Variants in KCNT2 observed in about 807,000 individuals in gnomAD.
The protein encoded by KCNT2 is potassium sodium-activated channel subfamily T member 2.
In KCNT2, 67 loss-of-function variants were observed where a neutral mutation model predicts 153.8. The ratio of observed to expected loss-of-function variants is 0.44; its 90% confidence interval spans 0.36 to 0.53. The LOEUF (loss-of-function observed/expected upper bound fraction) is 0.53, where lower values mean the gene tolerates loss of function less well. KCNT2 is among the 20% of genes least tolerant of loss of function. KCNT2 has a pLI of 0.00. For synonymous variants in KCNT2, 500 were observed against 458.8 expected (o/e 1.09, Z -1.15); for missense variants, 975 against 1,354.8 (o/e 0.72, Z 4.40).
At chr1:196,365,364 G>T (rs1667952863) in intron 14 of KCNT2, among the ~76,000 whole-genome samples, 1 of 151,974 alleles carries the variant, frequency 6.6e-6, no homozygotes, top group South Asian at 2.1e-4. Flanking sequence ...AGACAAAAGA[G>T]TTTTATACTT....
intron 1 of KCNT2, among the ~76,000 whole-genome samples, chr1:196,552,357 A>G (rs1018264675): frequency 6.6e-6 from 1 of 151,370 alleles, no homozygotes; most frequent in Non-Finnish European, 1.5e-5. Flanking sequence ...AGGAGTCTTT[A>G]TAATAGTGCA....
In KCNT2 at chr1:196,468,691, A is replaced by C. The variant is rs191993132; in HGVS notation, c.459+303T>G. On this transcript the variant is annotated intron_variant, in intron 6 of 27. Coordinates refer to ENST00000294725, the MANE Select transcript of KCNT2 (RefSeq NM_198503.5). ...TATTTTTTTAAAAAAAATCCACAATATAAACAATAAGTGGATAAGTAATTT... is the reference window on the plus strand; with the variant it reads ...TATTTTTTTAAAAAAAATCCACAATCTAAACAATAAGTGGATAAGTAATTT... Among the ~76,000 whole-genome samples the C allele has an allele frequency of 3.5e-4, 53 of 152,254 alleles. No homozygotes were observed. In the East Asian group the frequency reaches 9.7e-3, roughly 28 times the overall value.
intron 8 of KCNT2, among the ~76,000 whole-genome samples, chr1:196,433,197 G>A (rs895406651): frequency 1.3e-5 from 2 of 152,002 alleles, no homozygotes; most frequent in African/African-American, 2.4e-5. Flanking sequence ...ACAGCCTTCA[G>A]GATTGTGAAA....
intron 12 of KCNT2, among the ~76,000 whole-genome samples, chr1:196,417,617 GA>G (rs1464350790): frequency 6.6e-6 from 1 of 152,004 alleles, no homozygotes; most frequent in Non-Finnish European, 1.5e-5. Flanking sequence ...TGGAACAAAA[GA>G]GTATAACTTT....
chr1:196,352,189 G>A (rs1232511096), intron 14 of KCNT2, among the ~76,000 whole-genome samples: 46 of 151,894 alleles, frequency 3.0e-4, no homozygotes, highest in African/African-American at 5.8e-4. Context: ...GTCTCTGCCC[G>A]GCTTTGGTAT....
chr1:196,490,491 ATATATAT>A (rs1201295946), intron 2 of KCNT2, among the ~76,000 whole-genome samples: 16 of 147,958 alleles, frequency 1.1e-4, no homozygotes, highest in Non-Finnish European at 1.8e-4. Flanking sequence ...TTATATAATA[ATATATAT>A]TATATAAGTA....
At chr1:196,595,990 C>T (rs1251112109) in intron 1 of KCNT2, among the ~76,000 whole-genome samples, 1 of 150,452 alleles carries the variant, frequency 6.6e-6, no homozygotes, top group African/African-American at 2.5e-5. Context: ...GCCTCCAGCT[C>T]CATCCAAGTT....
chr1:196,433,294 G>T (rs1674323042), intron 8 of KCNT2, among the ~76,000 whole-genome samples: 1 of 151,862 alleles, frequency 6.6e-6, no homozygotes, highest in South Asian at 2.1e-4. Context: ...ATACTACTCA[G>T]TAAATAAATA....
intron 3 of KCNT2, among the ~76,000 whole-genome samples, chr1:196,485,498 G>A (rs1416962): frequency 0.47 from 71,803 of 151,666 alleles, 19,472 homozygotes; most frequent in Middle Eastern, 0.73. Context: ...ATCTGCTTAC[G>A]TCAAACTAAT....
intron 8 of KCNT2, among the ~76,000 whole-genome samples, chr1:196,454,278 T>C (rs920653079): frequency 2.0e-5 from 3 of 151,952 alleles, no homozygotes; most frequent in Admixed American, 6.6e-5. Context: ...GACATAGATA[T>C]AGTGCATGAT....
chr1:196,401,268 G>A (rs1337282898), intron 12 of KCNT2, among the ~76,000 whole-genome samples: 1 of 151,636 alleles, frequency 6.6e-6, no homozygotes, highest in Admixed American at 6.6e-5. Flanking sequence ...CCAAGCCTCC[G>A]CAACATAACA....
At chr1:196,336,783 A>T (rs1180777356) in intron 16 of KCNT2, among the ~76,000 whole-genome samples, 1 of 152,160 alleles carries the variant, frequency 6.6e-6, no homozygotes, top group Non-Finnish European at 1.5e-5. Context: ...TTCAGCCATG[A>T]CCTATCAGAC....
intron 1 of KCNT2, among the ~76,000 whole-genome samples, chr1:196,591,125 G>A (rs547585093): frequency 6.6e-6 from 1 of 152,166 alleles, no homozygotes; most frequent in South Asian, 2.1e-4. Flanking sequence ...GGTCATGAGG[G>A]CGGATCCTTC....
intron 8 of KCNT2, among the ~76,000 whole-genome samples, chr1:196,457,345 A>G (rs1246051634): frequency 6.6e-6 from 1 of 151,716 alleles, no homozygotes; most frequent in Non-Finnish European, 1.5e-5. Context: ...ATTCTATACA[A>G]TATTATTATC....
At position 196,283,944 on chromosome 1, in the gene KCNT2, C is replaced by A. The variant is rs1289312357; in HGVS notation, c.2698-1588G>T. 1.3e-5 allele frequency among the ~76,000 whole-genome samples: 2 copies of A among 151,442 alleles called. 1 individual carries two copies. The highest frequency in any genetic ancestry group is 2.9e-5 in the Non-Finnish European group (2 of 67,868). ...ATGTTTACTGTGTCAAAATTTAAGA[C>A]TTTAGGCTGAGCACAGTGGCTCACA... On this transcript the variant is annotated intron_variant, in intron 23 of 27. Coordinates refer to ENST00000294725, the MANE Select transcript of KCNT2 (RefSeq NM_198503.5).
chr1:196,332,507 G>T (rs538705933), intron 17 of KCNT2, among the ~76,000 whole-genome samples: 7 of 152,100 alleles, frequency 4.6e-5, no homozygotes, highest in East Asian at 1.9e-4. Context: ...TTTAAACAAA[G>T]AATATTTTCA....
chr1:196,242,214 AG>A (rs1655023687), intron 26 of KCNT2, among the ~76,000 whole-genome samples: 1 of 152,164 alleles, frequency 6.6e-6, no homozygotes, highest in Non-Finnish European at 1.5e-5. Flanking sequence ...TAAGGAACAT[AG>A]TGTACATTTA....
At chr1:196,465,747 T>G (rs1330738166) in intron 7 of KCNT2, among the ~76,000 whole-genome samples, 1 of 151,904 alleles carries the variant, frequency 6.6e-6, no homozygotes, top group Non-Finnish European at 1.5e-5. Context: ...GAAAATAGTA[T>G]GTTTAATTAA....
chr1:196,249,589 A>G (rs1214557704), intron 26 of KCNT2, among the ~76,000 whole-genome samples: 1 of 152,114 alleles, frequency 6.6e-6, no homozygotes, highest in Non-Finnish European at 1.5e-5. Flanking sequence ...CCTGGCCAAC[A>G]TAGTGAAACC....
Sources: allele counts gnomAD v4.1 joint callset (sites outside exome capture counted in the v4.1 genomes callset), GRCh38; gene constraint gnomAD v4.1.1; transcripts MANE v1.5; gene names NCBI Gene and HGNC (gene_info 2026-07-23, HGNC 2026-07-21).